The following TPH2 variants were observed in gnomAD, a reference collection of about 807,000 sequenced individuals.
The protein encoded by TPH2 is tryptophan 5-hydroxylase 2.
A neutral mutation model predicts 59.1 loss-of-function variants in TPH2; 27 were observed. The observed-to-expected ratio is 0.46, with a 90% CI of 0.34 to 0.63. The LOEUF (loss-of-function observed/expected upper bound fraction) is 0.63, where lower values mean the gene tolerates loss of function less well. Ranked by LOEUF, TPH2 falls within the 30% of genes least tolerant of loss-of-function variation. The pLI is 0.01. For synonymous variants in TPH2, 220 were observed against 210.5 expected (o/e 1.05, Z -0.39); for missense variants, 523 against 588.3 (o/e 0.89, Z 1.15).
At chr12:71,954,606 C>T (rs780993462) in intron 5 of TPH2, among the ~76,000 whole-genome samples, 4 of 152,056 alleles carry the variant, frequency 2.6e-5, no homozygotes, top group Admixed American at 6.6e-5. Flanking sequence ...ATTATGACTG[C>T]GATGTAGTAG....
At chr12:71,989,402 T>C (rs1872525192) in intron 7 of TPH2, among the ~76,000 whole-genome samples, 1 of 152,202 alleles carries the variant, frequency 6.6e-6, no homozygotes, top group Non-Finnish European at 1.5e-5. Flanking sequence ...AACTGTTGTG[T>C]GAAAGCTGAA....
At chr12:71,989,949 G>T (rs6582082) in intron 7 of TPH2, among the ~76,000 whole-genome samples, 111 of 27,002 alleles carry the variant, frequency 4.1e-3, no homozygotes, top group Admixed American at 9.0e-3. Context: ...TCAGCTCTTG[G>T]TTTTTTTTTT....
chr12:71,986,835 T>G (rs952804824), intron 7 of TPH2, among the ~76,000 whole-genome samples: 1 of 152,186 alleles, frequency 6.6e-6, no homozygotes, highest in Non-Finnish European at 1.5e-5. Context: ...TGTGGAAGAC[T>G]GAGATGACCA....
Position 71,952,428 on chromosome 12 carries a change from G to A in TPH2, c.608+2773G>A, listed in dbSNP as rs183935851. Reference sequence around the variant, plus strand: ...TAACTGAATGTTCAGGAAGCCAAGAGAGCCAGGAAATGGCCAATTCATCAT... The same window carrying A: ...TAACTGAATGTTCAGGAAGCCAAGAAAGCCAGGAAATGGCCAATTCATCAT... On this transcript the variant is annotated intron_variant, in intron 5 of 10. Transcript: ENST00000333850. Among the ~76,000 whole-genome samples, 240 of 152,230 alleles carry A rather than the reference G, an allele frequency of 1.6e-3. 2 individuals carry two copies. The highest frequency in any genetic ancestry group is 2.3e-3 in the Non-Finnish European group (158 of 68,006).
At chr12:71,950,342 C>G (rs369315516) in intron 5 of TPH2, among the ~76,000 whole-genome samples, 1 of 151,760 alleles carries the variant, frequency 6.6e-6, no homozygotes, top group Non-Finnish European at 1.5e-5. Flanking sequence ...AGAGAGTCAG[C>G]GAAGGGAGAT....
chr12:71,994,825 C>A (rs1055306921), intron 8 of TPH2, among the ~76,000 whole-genome samples: 3 of 152,040 alleles, frequency 2.0e-5, no homozygotes, highest in Non-Finnish European at 4.4e-5. Context: ...GTTTGTGGGT[C>A]GTAAGGACTC....
At chr12:72,030,446 G>T (rs1262380765) in intron 9 of TPH2, among the ~76,000 whole-genome samples, 1 of 152,134 alleles carries the variant, frequency 6.6e-6, no homozygotes, top group African/African-American at 2.4e-5. Context: ...GGCAGGAAAT[G>T]ACCACTAACT....
intron 8 of TPH2, among the ~76,000 whole-genome samples, chr12:71,999,153 T>C (rs1872762248): frequency 6.6e-6 from 1 of 152,346 alleles, no homozygotes; most frequent in East Asian, 1.9e-4. Context: ...TCCGAGGTAC[T>C]AGACTATATT....
In TPH2 at chr12:71,949,756, G is replaced by T. The variant is rs560772952; in HGVS notation, c.608+101G>T. The T allele has an allele frequency of 4.0e-5, 42 of 1,051,272 alleles. 1 individual carries two copies. In the South Asian group the frequency reaches 4.9e-4, roughly 12 times the overall value. The allele number at this position is 1,051,272 out of a possible 1,614,324, so 65.1% of individuals were successfully genotyped here. A position where few individuals can be genotyped will look rare whatever the true frequency, so the allele number is the denominator to read the frequency against. ...CTCTTCACTTTAACTTTTGCAGAAAGCAGGTGTGAACCATTTTAAACACTC... is the reference window on the plus strand; with the variant it reads ...CTCTTCACTTTAACTTTTGCAGAAATCAGGTGTGAACCATTTTAAACACTC... On this transcript the variant is annotated intron_variant, in intron 5 of 10. Transcript: ENST00000333850.
chr12:71,940,501 G>A (rs758503301), intron 1 of TPH2, among the ~76,000 whole-genome samples: 41 of 152,274 alleles, frequency 2.7e-4, no homozygotes, highest in Non-Finnish European at 5.1e-4. Flanking sequence ...ACATTTCTCA[G>A]TTTCATGAGG....
intron 5 of TPH2, 148 bp from the exon 6 acceptor site, chr12:71,972,371 C>T: frequency 1.3e-6 from 1 of 778,356 alleles, no homozygotes; most frequent in Non-Finnish European, 2.3e-6. Flanking sequence ...TTAGCATTTG[C>T]TTTAAAAAAT....
chr12:72,007,893 C>T lies in TPH2; in HGVS notation c.1068+13328C>T, dbSNP rs112898238. 7.8e-3 allele frequency among the ~76,000 whole-genome samples: 1,182 copies of T among 152,246 alleles called. 10 individuals are homozygous for T. Among genetic ancestry groups the T allele is most frequent in the Non-Finnish European group, 0.013 (882 of 67,998 alleles). On this transcript the variant is annotated intron_variant, in intron 8 of 10. Transcript: ENST00000333850. ...AAAGATGTTCTAGCAAAGGCACACTCTTATTGTATTCCTACTAAATATCTT... is the reference window on the plus strand; with the variant it reads ...AAAGATGTTCTAGCAAAGGCACACTTTTATTGTATTCCTACTAAATATCTT...
At chr12:71,950,069 A>G (rs1490446850) in intron 5 of TPH2, among the ~76,000 whole-genome samples, 3 of 152,248 alleles carry the variant, frequency 2.0e-5, no homozygotes, top group African/African-American at 7.2e-5. Flanking sequence ...AGGAGCCGTA[A>G]TAGAGAAGAC....
Position 71,962,065 on chromosome 12 carries a change from A to G in TPH2, c.609-10454A>G. The stretch of plus-strand genomic sequence containing the variant: ...CAAATGCTCTTTACCTGACTGGCCT[A>G]GGGGACTAGCTGAAAATGCGTTTAT... On this transcript the variant is annotated intron_variant, in intron 5 of 10. Transcript: ENST00000333850. 3 of 1,006,800 alleles carry G rather than the reference A, an allele frequency of 3.0e-6. No individual in the cohort carries two copies. The South Asian group carries it at 1.3e-4, about 42-fold the overall frequency. 62.4% of individuals were successfully genotyped at this position (1,006,800 alleles called of 1,614,324 possible). A position where few individuals can be genotyped will look rare whatever the true frequency, so the allele number is the denominator to read the frequency against.
At chr12:71,964,698 TAC>T in intron 5 of TPH2, 1 of 985,400 alleles carries the variant, frequency 1.0e-6, no homozygotes, top group Non-Finnish European at 1.2e-6. Flanking sequence ...TTGAAATTTC[TAC>T]ACACCTGGTG....
chr12:71,945,061 C>T (rs150471366), intron 4 of TPH2, among the ~76,000 whole-genome samples: 159 of 152,222 alleles, frequency 1.0e-3, no homozygotes, highest in African/African-American at 3.3e-3. Flanking sequence ...TATTATGGGG[C>T]TCAGTGAGAG....
chr12:72,012,076 C>T (rs1873112214), intron 8 of TPH2, among the ~76,000 whole-genome samples: 1 of 152,184 alleles, frequency 6.6e-6, no homozygotes, highest in Non-Finnish European at 1.5e-5. Flanking sequence ...ACTCTTCTTG[C>T]TTATCTATTT....
chr12:71,984,680 C>T (rs1230771096), intron 7 of TPH2, among the ~76,000 whole-genome samples: 1 of 152,218 alleles, frequency 6.6e-6, no homozygotes, highest in African/African-American at 2.4e-5. Context: ...GCCTCCTGCT[C>T]ATCCACCTGG....
chr12:71,982,804 C>G (rs1872321307), intron 7 of TPH2, among the ~76,000 whole-genome samples: 1 of 152,090 alleles, frequency 6.6e-6, no homozygotes. Flanking sequence ...CACTGAAGAC[C>G]CAGGTAGAAA....
Sources: allele counts gnomAD v4.1 joint callset (sites outside exome capture counted in the v4.1 genomes callset), GRCh38; gene constraint gnomAD v4.1.1; transcripts MANE v1.5; gene names NCBI Gene and HGNC (gene_info 2026-07-23, HGNC 2026-07-21).